The following RPTOR variants were observed in gnomAD, a reference collection of about 807,000 sequenced individuals.
The protein encoded by RPTOR is regulatory-associated protein of mTOR.
In RPTOR, 21 loss-of-function variants were observed where a neutral mutation model predicts 169.9. The observed-to-expected ratio is 0.12, with a 90% CI of 0.09 to 0.18. RPTOR has a LOEUF of 0.18. RPTOR is among the 10% of genes least tolerant of loss of function. The pLI is 1.00. For synonymous variants in RPTOR, 732 were observed against 753.2 expected (o/e 0.97, Z 0.46); for missense variants, 1,133 against 1,855.9 (o/e 0.61, Z 7.16).
chr17:80,787,382 T>C (rs1199502966), intron 6 of RPTOR, among the ~76,000 whole-genome samples: 1 of 152,248 alleles, frequency 6.6e-6, no homozygotes, highest in Admixed American at 6.5e-5. Flanking sequence ...TACTCCTTAA[T>C]GGACACTTGA....
At chr17:80,622,675 G>C (rs967755331) in intron 1 of RPTOR, among the ~76,000 whole-genome samples, 1 of 152,178 alleles carries the variant, frequency 6.6e-6, no homozygotes, top group Non-Finnish European at 1.5e-5. Flanking sequence ...CCCTGGGCTG[G>C]TGGATCGCTT....
At position 80,681,370 on chromosome 17, in the gene RPTOR, G is replaced by A. The variant is rs1214895128; in HGVS notation, c.349-26471G>A. 6.6e-5 allele frequency among the ~76,000 whole-genome samples: 10 copies of A among 152,162 alleles called. No homozygotes were observed. In the South Asian group the frequency reaches 1.0e-3, roughly 16 times the overall value. ...AGAAAGTTGCGGGGCCGCGGCTCTC[G>A]TTCCGTCCTCACACTGCCCTGCTAG... On this transcript the variant is annotated intron_variant, in intron 3 of 33. Coordinates refer to ENST00000306801, the MANE Select transcript of RPTOR (RefSeq NM_020761.3).
intron 6 of RPTOR, among the ~76,000 whole-genome samples, chr17:80,762,097 C>T (rs1033984923): frequency 6.6e-6 from 1 of 152,164 alleles, no homozygotes; most frequent in African/African-American, 2.4e-5. Context: ...CTCACTGTTC[C>T]AGTCTCTTGA....
intron 5 of RPTOR, among the ~76,000 whole-genome samples, chr17:80,737,811 C>T (rs1000625673): frequency 6.7e-6 from 1 of 148,724 alleles, no homozygotes; most frequent in African/African-American, 2.6e-5. Context: ...TCTCCCCCGC[C>T]CCCCCGCCAC....
intron 3 of RPTOR, among the ~76,000 whole-genome samples, chr17:80,666,730 G>A (rs1420355326): frequency 2.0e-5 from 3 of 152,186 alleles, no homozygotes; most frequent in South Asian, 2.1e-4. Context: ...TGCCCCTGCT[G>A]TAGTGGTGCA....
chr17:80,620,554 C>T (rs1328157491), intron 1 of RPTOR, among the ~76,000 whole-genome samples: 1 of 152,196 alleles, frequency 6.6e-6, no homozygotes, highest in Non-Finnish European at 1.5e-5. Flanking sequence ...CACCCGAGGT[C>T]AGGAGTTCAA....
chr17:80,945,426 A>T, intron 25 of RPTOR: 1 of 322,270 alleles, frequency 3.1e-6, no homozygotes, highest in African/African-American at 2.2e-5. Context: ...CCCCATCTCT[A>T]CTAAAAATAC....
intron 13 of RPTOR, among the ~76,000 whole-genome samples, chr17:80,879,120 G>C (rs1227220884): frequency 6.6e-6 from 1 of 152,058 alleles, no homozygotes; most frequent in Non-Finnish European, 1.5e-5. Context: ...TCTCATCATC[G>C]ATGCCTCAGC....
At chr17:80,759,506 G>A (rs1202605134) in intron 6 of RPTOR, among the ~76,000 whole-genome samples, 1 of 152,180 alleles carries the variant, frequency 6.6e-6, no homozygotes, top group Non-Finnish European at 1.5e-5. Flanking sequence ...GGTGTCTCAG[G>A]TGGCGGCTCT....
chr17:80,714,353 G>A (rs1009142186), intron 4 of RPTOR, among the ~76,000 whole-genome samples: 31 of 152,152 alleles, frequency 2.0e-4, no homozygotes, highest in Middle Eastern at 3.4e-3. Flanking sequence ...CAATCACCCC[G>A]ACTTAATTAA....
chr17:80,883,077 G>A (rs955102277), intron 14 of RPTOR, among the ~76,000 whole-genome samples: 1 of 152,210 alleles, frequency 6.6e-6, no homozygotes, highest in African/African-American at 2.4e-5. Flanking sequence ...CTCACAGAGT[G>A]CTGGGCAGGC....
intron 2 of RPTOR, among the ~76,000 whole-genome samples, chr17:80,626,542 T>C (rs1352879738): frequency 6.6e-6 from 1 of 152,108 alleles, no homozygotes; most frequent in African/African-American, 2.4e-5. Flanking sequence ...TGAATGCTTG[T>C]AGTGTGTCAG....
chr17:80,892,915 T>G (rs200824953), intron 19 of RPTOR, 46 bp downstream of exon 19: 35 of 1,594,802 alleles, frequency 2.2e-5, no homozygotes, highest in Non-Finnish European at 2.7e-5. Context: ...AGATTGGGGT[T>G]GTTTTTTCTG....
intron 1 of RPTOR, among the ~76,000 whole-genome samples, chr17:80,561,263 G>GTGTGTATATATA (rs1297941814): frequency 1.5e-4 from 3 of 19,610 alleles, no homozygotes; most frequent in African/African-American, 2.7e-4. Context: ...ATATATATAT[G>GTGTGTATATATA]TATATATATA....
intron 1 of RPTOR, among the ~76,000 whole-genome samples, chr17:80,596,548 GAGA>G (rs1364731918): frequency 1.3e-5 from 2 of 152,164 alleles, no homozygotes; most frequent in Non-Finnish European, 2.9e-5. Context: ...CTGTGATCAG[GAGA>G]AGGATACCAA....
In RPTOR at chr17:80,609,386, C is replaced by T. The variant is rs1301992074; in HGVS notation, c.163-16305C>T. Among the ~76,000 whole-genome samples, 1 of 152,208 alleles carries T rather than the reference C, an allele frequency of 6.6e-6. No homozygotes were observed. Among genetic ancestry groups the T allele is most frequent in the African/African-American group, 2.4e-5 (1 of 41,462 alleles). On this transcript the variant is annotated intron_variant, in intron 1 of 33. Coordinates refer to ENST00000306801, the MANE Select transcript of RPTOR (RefSeq NM_020761.3). This position sits in a 1 kb window ranked among gnomAD's most constrained non-coding sequence, Gnocchi z 4.8. ...TAAGTAGCTTCACGACTGCTAGTGGCTGGAAGCTTCCAGATTAGTAGTTTA... is the reference window on the plus strand; with the variant it reads ...TAAGTAGCTTCACGACTGCTAGTGGTTGGAAGCTTCCAGATTAGTAGTTTA...
rs1225065168 is a variant in RPTOR, at chr17:80,746,320, C to T, written c.655-7690C>T. Among the ~76,000 whole-genome samples, 1 of 148,578 alleles carries T rather than the reference C, an allele frequency of 6.7e-6. No individual in the cohort carries two copies. The highest frequency in any genetic ancestry group is 2.5e-5 in the African/African-American group (1 of 40,438). ...CTGCGGGTGATCCCCACCGCCCCCA[C>T]AGCGGTGCTTTCTGCGGGTGATCCC... On this transcript the variant is annotated intron_variant, in intron 5 of 33. Coordinates refer to ENST00000306801, the MANE Select transcript of RPTOR (RefSeq NM_020761.3). This position sits in a 1 kb window ranked among gnomAD's most constrained non-coding sequence, Gnocchi z 4.5.
In RPTOR at chr17:80,956,375, C is replaced by T. The variant is rs1417540441; in HGVS notation, c.3371-1249C>T. On this transcript the variant is annotated intron_variant, in intron 28 of 33. Transcript: ENST00000306801. ...ATCTGGTTTTAAATACAGGCCGTCA[C>T]GTGAGGTGGGGGTTGCTCTGCTCTG... Among the ~76,000 whole-genome samples the T allele has an allele frequency of 3.9e-5, 6 of 152,378 alleles. No individual in the cohort carries two copies. In the South Asian group the frequency reaches 1.0e-3, roughly 26 times the overall value.
chr17:80,782,595 C>A (rs1480737081), intron 6 of RPTOR, among the ~76,000 whole-genome samples: 1 of 152,166 alleles, frequency 6.6e-6, no homozygotes, highest in Non-Finnish European at 1.5e-5. Context: ...CCGGGGATCT[C>A]AGCCCCAGCC....
Sources: allele counts gnomAD v4.1 joint callset (sites outside exome capture counted in the v4.1 genomes callset), GRCh38; gene constraint gnomAD v4.1.1; non-coding constraint Gnocchi (gnomAD v3.1); transcripts MANE v1.5; gene names NCBI Gene and HGNC (gene_info 2026-07-23, HGNC 2026-07-21).